The following CEP162 variants were observed in gnomAD, a reference collection of about 807,000 sequenced individuals.
CEP162 encodes centrosomal protein 162, also known as centrosomal protein of 162 kDa.
In CEP162, 141 loss-of-function variants were observed where a neutral mutation model predicts 169.2. That is an observed-to-expected ratio of 0.83 (90% CI 0.73 to 0.96). The LOEUF is 0.96. Ranked by LOEUF, CEP162 falls within the 40% of genes least tolerant of loss-of-function variation. The pLI is 0.00. For missense variants in CEP162, 1,600 were observed against 1,587.2 expected (o/e 1.01, Z -0.14); for synonymous variants, 540 against 526.4 (o/e 1.03, Z -0.35).
chr6:84,161,022 G>A (rs1032679528), intron 20 of CEP162, 106 bp from the exon 21 acceptor site: 13 of 770,236 alleles, frequency 1.7e-5, no homozygotes, highest in African/African-American at 1.6e-4. Flanking sequence ...TAATTCCTCA[G>A]CAAAATTTGG....
At chr6:84,222,821 A>G (rs1355283887) in intron 2 of CEP162, among the ~76,000 whole-genome samples, 7 of 152,218 alleles carry the variant, frequency 4.6e-5, no homozygotes, top group Admixed American at 4.6e-4. Flanking sequence ...AAAAAACTCT[A>G]CCTCAGTGAC....
At chr6:84,226,501 T>G in intron 1 of CEP162, 49 bp from the exon 2 acceptor site, 1 of 809,576 alleles carries the variant, frequency 1.2e-6, no homozygotes, top group Non-Finnish European at 2.0e-6. Flanking sequence ...CATCAGATCA[T>G]GAACACGACC....
intron 25 of CEP162, among the ~76,000 whole-genome samples, chr6:84,139,157 A>AAAT (rs2099515427): frequency 6.6e-6 from 1 of 152,206 alleles, no homozygotes; most frequent in African/African-American, 2.4e-5. Flanking sequence ...TAAAAGTAGG[A>AAAT]AATACATTTT....
At chr6:84,145,349 A>G (rs1315760558) in intron 25 of CEP162, among the ~76,000 whole-genome samples, 1 of 152,148 alleles carries the variant, frequency 6.6e-6, no homozygotes, top group African/African-American at 2.4e-5. Context: ...GTTCCAGCAA[A>G]ACAGACTTAT....
chr6:84,158,592 A>T (rs1429644350), intron 21 of CEP162, among the ~76,000 whole-genome samples: 3 of 152,200 alleles, frequency 2.0e-5, no homozygotes, highest in African/African-American at 7.2e-5. Context: ...ATTGGGATAT[A>T]TCCATCTACA....
chr6:84,157,590 G>T (rs1218644644), intron 21 of CEP162, among the ~76,000 whole-genome samples: 1 of 152,122 alleles, frequency 6.6e-6, no homozygotes, highest in Non-Finnish European at 1.5e-5. Flanking sequence ...TGGGAGAACT[G>T]CTTGGACCCA....
chr6:84,128,847 C>G (rs1484890726), intron 25 of CEP162, among the ~76,000 whole-genome samples: 2 of 151,888 alleles, frequency 1.3e-5, no homozygotes, highest in Non-Finnish European at 2.9e-5. Flanking sequence ...CCCCTAACCC[C>G]CAACCCCCCG....
chr6:84,178,015 T>A (rs997651019), intron 13 of CEP162, among the ~76,000 whole-genome samples: 14 of 152,192 alleles, frequency 9.2e-5, no homozygotes, highest in African/African-American at 3.1e-4. Context: ...TAAGGGAGCA[T>A]TATTTTATTA....
chr6:84,175,303 T>A lies in CEP162; in HGVS notation c.1708A>T (p.Lys570Ter). 6.5e-7 allele frequency: 1 copy of A among 1,547,274 alleles called. No individual in the cohort carries two copies. Among genetic ancestry groups the A allele is most frequent in the Non-Finnish European group, 8.7e-7 (1 of 1,144,642 alleles). ...CAACTTTCAGTTTTGTGAGCTGGTT[T>A]ATCCAAAGCTGCAGGCTTGATGAGT... ...TKLIKPAALD[K>*]PAHKTESCLS... The change falls in exon 14 of 27, where the codon AAA (lysine) becomes TAA (stop). Residue 570 changes from lysine to a stop codon, truncating the protein, a stop_gained. Transcript: ENST00000403245. LOFTEE classifies it high-confidence loss of function.
Position 84,149,712 on chromosome 6 carries a change from C to A in CEP162, c.3630-9G>T, listed in dbSNP as rs1345275176. 6.8e-7 allele frequency: 1 copy of A among 1,476,168 alleles called. No homozygotes were observed. Among genetic ancestry groups the A allele is most frequent in the Non-Finnish European group, 9.0e-7 (1 of 1,109,764 alleles). The allele number at this position is 1,476,168 out of a possible 1,614,324, so 91.4% of individuals were successfully genotyped here. On this transcript the variant is annotated splice_polypyrimidine_tract_variant and intron_variant, in intron 23 of 26. Transcript: ENST00000403245. ...CAGTATCTTCCTTGACCCTACAGAG[C>A]AAATGAAAGAAAACCACACATAAAA...
At chr6:84,202,567 G>T (rs1469610991) in intron 7 of CEP162, among the ~76,000 whole-genome samples, 4 of 111,666 alleles carry the variant, frequency 3.6e-5, no homozygotes, top group African/African-American at 1.5e-4. Flanking sequence ...GCGCTCTGTT[G>T]CCCAGGCTGG....
At chr6:84,169,264 T>A in intron 18 of CEP162, 64 bp downstream of exon 18, 6 of 896,462 alleles carry the variant, frequency 6.7e-6, no homozygotes, top group Non-Finnish European at 1.0e-5. Context: ...AAAATTTGTA[T>A]AAAAATGGGG....
intron 16 of CEP162, 144 bp from the exon 17 acceptor site, chr6:84,171,862 TTTATA>T (rs1156300629): frequency 9.9e-6 from 4 of 405,966 alleles, no homozygotes; most frequent in East Asian, 7.4e-5. Context: ...TTTTAAACTT[TTTATA>T]TTATATCTGA....
At position 84,215,220 on chromosome 6, in the gene CEP162, A is replaced by G. The variant is rs1366119107; in HGVS notation, c.503+62T>C. ...TGTTTACCTATTTAAAATCACACAT[A>G]TATCAGCCTTCCAAAAACATAGAAA... On this transcript the variant is annotated intron_variant, in intron 5 of 26. Coordinates refer to ENST00000403245, the MANE Select transcript of CEP162 (RefSeq NM_014895.4). 2.6e-5 allele frequency: 23 copies of G among 887,650 alleles called. No homozygotes were observed. In the South Asian group the frequency reaches 3.5e-4, roughly 14 times the overall value. 55.0% of individuals were successfully genotyped at this position (887,650 alleles called of 1,614,324 possible).
At chr6:84,215,625 T>G in intron 4 of CEP162, 151 bp downstream of exon 4, 1 of 1,229,556 alleles carries the variant, frequency 8.1e-7, no homozygotes, top group Non-Finnish European at 1.1e-6. Context: ...ACGTAAGGTT[T>G]AAAGCTTCTC....
At chr6:84,205,433 A>C (rs1016839924) in intron 6 of CEP162, among the ~76,000 whole-genome samples, 3 of 152,218 alleles carry the variant, frequency 2.0e-5, no homozygotes, top group Admixed American at 6.5e-5. Context: ...ATTAATAAAC[A>C]TAATCCAGCA....
At chr6:84,145,900 ACTC>A (rs2129197488) in intron 25 of CEP162, among the ~76,000 whole-genome samples, 1 of 152,084 alleles carries the variant, frequency 6.6e-6, no homozygotes, top group East Asian at 1.9e-4. Flanking sequence ...TATACAGACT[ACTC>A]CTACCATTAA....
chr6:84,193,492 T>C, intron 11 of CEP162, 117 bp downstream of exon 11: 1 of 531,584 alleles, frequency 1.9e-6, no homozygotes, highest in Non-Finnish European at 3.3e-6. Flanking sequence ...AAGAGAGTTA[T>C]GACTCACAGG....
At chr6:84,157,092 A>G (rs546375227) in intron 21 of CEP162, among the ~76,000 whole-genome samples, 2 of 152,308 alleles carry the variant, frequency 1.3e-5, no homozygotes, top group East Asian at 1.9e-4. Context: ...GAAATCTGCA[A>G]TTGTACCCCC....
Sources: gnomAD v4.1 joint callset for allele counts (sites outside exome capture counted in the v4.1 genomes callset) on GRCh38, gnomAD v4.1.1 for gene constraint, MANE v1.5 for transcripts, NCBI Gene and HGNC (gene_info 2026-07-23, HGNC 2026-07-21) for gene names.